RASAL1: variants seen among roughly 807,000 people sequenced by gnomAD.
RASAL1 encodes rasGAP-activating-like protein 1.
A neutral mutation model predicts 96.6 loss-of-function variants in RASAL1; 72 were observed. The observed-to-expected ratio is 0.75, with a 90% CI of 0.62 to 0.91. The LOEUF is 0.91. Among genes scored for constraint, RASAL1 ranks in the 40% least tolerant of loss-of-function variants. The pLI is 0.00. For synonymous variants in RASAL1, 405 were observed against 430.4 expected, an observed-to-expected ratio of 0.94 and a Z score of 0.73; for missense variants, 1,016 against 1,072.5, an observed-to-expected ratio of 0.95 and a Z score of 0.74.
intron 8 of RASAL1, 134 bp downstream of exon 8, chr12:113,116,939 G>C: frequency 3.1e-6 from 2 of 655,350 alleles, no homozygotes; most frequent in Non-Finnish European, 5.0e-6. Flanking sequence ...ACATTCCATA[G>C]ACAGTTGTTA....
rs1482884149 is a variant in RASAL1 at position 113,105,620 on chromosome 12, C to T, written c.1830+94G>A. ...GCTATGGCATCTTGGGGCCTTGCCC[C>T]ACTGTGGGCCTCAGTTTCCCCCTGG... On this transcript the variant is annotated intron_variant, in intron 16 of 20. Coordinates refer to ENST00000548055, the MANE Select transcript of RASAL1 (RefSeq NM_001301202.2). 5.4e-5 allele frequency: 73 copies of T among 1,346,606 alleles called. No homozygotes were observed. In the East Asian group the frequency reaches 1.7e-3, roughly 31 times the overall value. 83.4% of individuals were successfully genotyped at this position (1,346,606 alleles called of 1,614,324 possible). A position where few individuals can be genotyped will look rare whatever the true frequency, so the allele number is the denominator to read the frequency against.
At chr12:113,125,206 G>C (rs1261806542) in intron 4 of RASAL1, among the ~76,000 whole-genome samples, 1 of 151,996 alleles carries the variant, frequency 6.6e-6, no homozygotes, top group Non-Finnish European at 1.5e-5. Context: ...TCTTAGAGTT[G>C]AGAAGTTCTT....
rs1951043586 is a variant in RASAL1 at position 113,115,542 on chromosome 12, C to A, written c.1003+93G>T. 1.7e-5 allele frequency: 25 copies of A among 1,485,866 alleles called. No individual in the cohort carries two copies. The highest frequency in any genetic ancestry group is 2.2e-5 in the Non-Finnish European group (24 of 1,106,620). The allele number at this position is 1,485,866 out of a possible 1,614,324, so 92.0% of individuals were successfully genotyped here. A position where few individuals can be genotyped will look rare whatever the true frequency, so the allele number is the denominator to read the frequency against. On this transcript the variant is annotated intron_variant, in intron 10 of 20. Coordinates refer to ENST00000548055, the MANE Select transcript of RASAL1 (RefSeq NM_001301202.2). The surrounding 1 kb of genome is among the most constrained non-coding windows in gnomAD (Gnocchi z 4.1). ...CCCACAGAAAAAGGAGCCCTTTTTC[C>A]CTCTGCCTGAGGCCTCCCCATTCCT...
intron 8 of RASAL1, among the ~76,000 whole-genome samples, chr12:113,116,586 T>A (rs1425950611): frequency 6.6e-6 from 1 of 152,036 alleles, no homozygotes; most frequent in African/African-American, 2.4e-5. Flanking sequence ...ACAAACAACA[T>A]AAACAGGCAG....
At chr12:113,114,587 G>C (rs926658476) in intron 12 of RASAL1, among the ~76,000 whole-genome samples, 1 of 152,176 alleles carries the variant, frequency 6.6e-6, no homozygotes, top group Non-Finnish European at 1.5e-5. Context: ...TTTGAACCCA[G>C]GGCGCTTAGC....
intron 5 of RASAL1, 87 bp from the exon 6 acceptor site, chr12:113,119,530 C>G: frequency 7.7e-7 from 1 of 1,294,136 alleles, no homozygotes; most frequent in Middle Eastern, 1.8e-4. Context: ...ATTCCAATGT[C>G]GCTGGTTTCC....
At chr12:113,127,399 A>G (rs1375861592) in intron 4 of RASAL1, among the ~76,000 whole-genome samples, 7 of 152,108 alleles carry the variant, frequency 4.6e-5, no homozygotes, top group Non-Finnish European at 7.4e-5. Context: ...TACTCCCAAC[A>G]CTTTGGGAGG....
Position 113,135,327 on chromosome 12 carries a change from G to C in RASAL1, c.65+71C>G. On this transcript the variant is annotated intron_variant, in intron 1 of 20. Transcript: ENST00000548055. The surrounding 1 kb of genome is among the most constrained non-coding windows in gnomAD (Gnocchi z 5.7). ...CTCCTGCCAACCCGCCCTGGCACGC[G>C]GAAAGGGCGACGTCGGCCCCACCCC... 1.4e-6 allele frequency: 2 copies of C among 1,450,724 alleles called. No individual in the cohort carries two copies. Among genetic ancestry groups the C allele is most frequent in the South Asian group, 2.4e-5 (2 of 82,022 alleles). The allele number at this position is 1,450,724 out of a possible 1,614,324, so 89.9% of individuals were successfully genotyped here. A position where few individuals can be genotyped will look rare whatever the true frequency, so the allele number is the denominator to read the frequency against.
intron 4 of RASAL1, among the ~76,000 whole-genome samples, chr12:113,125,703 A>G (rs1043244519): frequency 3.9e-5 from 6 of 152,238 alleles, no homozygotes; most frequent in Non-Finnish European, 7.3e-5. Context: ...AGCAACAACT[A>G]TCAAGTATGC....
intron 13 of RASAL1, among the ~76,000 whole-genome samples, chr12:113,109,620 G>A (rs1340187567): frequency 6.6e-6 from 1 of 152,216 alleles, no homozygotes; most frequent in African/African-American, 2.4e-5. Flanking sequence ...TAGCCTGAGA[G>A]TCTGCGCCTG....
chr12:113,121,446 AGACCCAGGG>A, intron 5 of RASAL1, 54 bp downstream of exon 5: 1 of 1,600,386 alleles, frequency 6.2e-7, no homozygotes, highest in Non-Finnish European at 8.5e-7. Context: ...GCAGCAGGGG[AGACCCAGGG>A]GACTCCTGCT....
At chr12:113,103,689 C>A in intron 18 of RASAL1, 1 of 565,230 alleles carries the variant, frequency 1.8e-6, no homozygotes, top group Non-Finnish European at 3.1e-6. Flanking sequence ...GATGCTGGCA[C>A]CTAGTGAGTA....
rs1950621799 is a variant in RASAL1, at chr12:113,105,744, G to T, written c.1800C>A (p.Thr600=). 2 of 1,612,632 alleles carry T rather than the reference G, an allele frequency of 1.2e-6. No homozygotes were observed. Among genetic ancestry groups the T allele is most frequent in the East Asian group, 2.2e-5 (1 of 44,836 alleles). ...KKRYVWLSGE[T]LSFSKSPEWQ... The stretch of plus-strand genomic sequence containing the variant: ...ACTCAGGACTCTTGGAGAAGGAGAG[G>T]GTCTCCCCGCTGAGCCAGACGTAGC... Residue 600 remains threonine (T), a synonymous_variant, in exon 16 of 21, where the codon ACC becomes ACA. Transcript: ENST00000548055.
intron 4 of RASAL1, among the ~76,000 whole-genome samples, chr12:113,122,841 T>A (rs61941396): frequency 0.11 from 16,425 of 152,306 alleles, 1,193 homozygotes; most frequent in Non-Finnish European, 0.16. Context: ...TTTGCCTGTC[T>A]CTAATTTTTA....
Position 113,116,319 on chromosome 12 carries a change from C to T in RASAL1, c.732-268G>A, listed in dbSNP as rs114046720. On this transcript the variant is annotated intron_variant, in intron 8 of 20. Coordinates refer to ENST00000548055, the MANE Select transcript of RASAL1 (RefSeq NM_001301202.2). ...TGGCAGGCAGAGGTTAAGATTGTGC[C>T]GCTGCACTCCAGCCTGCGTGACAGA... Among the ~76,000 whole-genome samples, 1,083 of 151,888 alleles carry T rather than the reference C, an allele frequency of 7.1e-3. 19 individuals are homozygous for T. The highest frequency in any genetic ancestry group is 0.024 in the African/African-American group (987 of 41,410).
In RASAL1 at chr12:113,116,038, C is replaced by G; in HGVS notation, c.745G>C (p.Ala249Pro). 1 of 1,590,468 alleles carries G rather than the reference C, an allele frequency of 6.3e-7. No individual in the cohort carries two copies. Among genetic ancestry groups the G allele is most frequent in the Non-Finnish European group, 8.6e-7 (1 of 1,168,722 alleles). ...AEEDSGGNLG[A>P]LRVKVRLIED... The stretch of plus-strand genomic sequence containing the variant: ...ATCAGGCGTACCTTCACTCGCAGGG[C>G]ACCCAGGTTCCCCCTGTCCAGGATC... The change falls in exon 9 of 21, where the codon GCC (alanine) becomes CCC (proline). Residue 249 changes from alanine to proline, a missense_variant. Ala to Pro is a conservative substitution (Grantham distance 27). Coordinates refer to ENST00000548055, the MANE Select transcript of RASAL1 (RefSeq NM_001301202.2).
In RASAL1 at chr12:113,115,589, C is replaced by T. The variant is rs1487314485; in HGVS notation, c.1003+46G>A. On this transcript the variant is annotated intron_variant, in intron 10 of 20. Transcript: ENST00000548055. The surrounding 1 kb of genome is among the most constrained non-coding windows in gnomAD (Gnocchi z 4.1). The stretch of plus-strand genomic sequence containing the variant: ...TCCTCCCCCAGGACCCTCCTGCAAG[C>T]CCACCATTGAGGGCGGTGATGTCGG... 1.3e-6 allele frequency: 2 copies of T among 1,597,466 alleles called. No individual in the cohort carries two copies. The highest frequency in any genetic ancestry group is 1.7e-6 in the Non-Finnish European group (2 of 1,171,120).
At position 113,119,396 on chromosome 12, in the gene RASAL1, C is replaced by T. The variant is rs774939653; in HGVS notation, c.476G>A (p.Arg159His). 1.4e-5 allele frequency: 23 copies of T among 1,611,544 alleles called. No homozygotes were observed. The highest frequency in any genetic ancestry group is 6.7e-5 in the Admixed American group (4 of 59,808). The change falls in exon 6 of 21, where the codon CGT (arginine) becomes CAT (histidine). Residue 159 changes from arginine (R) to histidine (H), a missense_variant. Physicochemically the swap from Arg to His is conservative, Grantham distance 29. Transcript: ENST00000548055. ...CAAGCTCTGGCTGCCCCAAAACACACGTGCAAATGGGTCAGATGTGCCAGA... is the reference window on the plus strand; with the variant it reads ...CAAGCTCTGGCTGCCCCAAAACACATGTGCAAATGGGTCAGATGTGCCAGA... Reference protein sequence around the residue: ...DISGTSDPFARVFWGSQSLET... With the variant: ...DISGTSDPFAHVFWGSQSLET...
chr12:113,133,164 T>C (rs1180190774), intron 1 of RASAL1, among the ~76,000 whole-genome samples: 1 of 152,200 alleles, frequency 6.6e-6, no homozygotes, highest in Non-Finnish European at 1.5e-5. Flanking sequence ...AGCTCAGCAC[T>C]AGTCAGCTGC....
Sources: allele counts gnomAD v4.1 joint callset (sites outside exome capture counted in the v4.1 genomes callset), GRCh38; gene constraint gnomAD v4.1.1; non-coding constraint Gnocchi (gnomAD v3.1); transcripts MANE v1.5; gene names NCBI Gene and HGNC (gene_info 2026-07-23, HGNC 2026-07-21).